CLYBL: variants seen among roughly 807,000 people sequenced by gnomAD.
CLYBL encodes citramalyl-CoA lyase, mitochondrial.
Under a neutral mutation model 38.9 loss-of-function variants are expected in CLYBL, and 31 were observed. The ratio of observed to expected loss-of-function variants is 0.80; its 90% CI spans 0.60 to 1.08. CLYBL has a LOEUF of 1.08. Among genes scored for constraint, CLYBL ranks in the 50% least tolerant of loss-of-function variants. The pLI is 0.00. For synonymous variants in CLYBL, 171 were observed against 158.6 expected, an observed-to-expected ratio of 1.08 and a Z score of -0.59; for missense variants, 434 against 411.6, an observed-to-expected ratio of 1.05 and a Z score of -0.47.
At chr13:99,872,317 C>G (rs1200113859) in intron 7 of CLYBL, among the ~76,000 whole-genome samples, 2 of 152,164 alleles carry the variant, frequency 1.3e-5, no homozygotes, top group African/African-American at 4.8e-5. Context: ...CTTTCCATTT[C>G]CCATCAACAG....
intron 1 of CLYBL, among the ~76,000 whole-genome samples, chr13:99,641,299 G>A (rs1594096989): frequency 6.6e-6 from 1 of 152,248 alleles, no homozygotes; most frequent in East Asian, 1.9e-4. Flanking sequence ...ATGAATCAAA[G>A]CTATTTAAGT....
intron 2 of CLYBL, among the ~76,000 whole-genome samples, chr13:99,808,212 A>G (rs1262573618): frequency 6.6e-6 from 1 of 152,154 alleles, no homozygotes; most frequent in Non-Finnish European, 1.5e-5. Flanking sequence ...CAGCCTCCTG[A>G]GTAGCTGGGA....
At chr13:99,882,735 C>CTTCCTA (rs1332331652) in intron 7 of CLYBL, among the ~76,000 whole-genome samples, 7 of 152,006 alleles carry the variant, frequency 4.6e-5, no homozygotes, top group Admixed American at 4.6e-4. Context: ...GGTAATGGGT[C>CTTCCTA]TTCCTAATAG....
rs183368719 is a variant in CLYBL, at chr13:99,849,166, T to C, written c.250-9695T>C. Among the ~76,000 whole-genome samples, 207 of 149,766 alleles carry C rather than the reference T, an allele frequency of 1.4e-3. No homozygotes were observed. The highest frequency in any genetic ancestry group is 4.7e-3 in the African/African-American group (189 of 40,518). The stretch of plus-strand genomic sequence containing the variant: ...AAAAGAAAAAAGAAAAAAAAAACAC[T>C]ATTGAGAAAGACAGTGTAAGCTTGT... On this transcript the variant is annotated intron_variant, in intron 2 of 8. Transcript: ENST00000339105. The surrounding 1 kb of genome is among the most constrained non-coding windows in gnomAD (Gnocchi z 4.9).
At chr13:99,779,009 ATGGTGGC>A (rs1329541264) in intron 2 of CLYBL, among the ~76,000 whole-genome samples, 1 of 152,226 alleles carries the variant, frequency 6.6e-6, no homozygotes, top group Admixed American at 6.5e-5. Context: ...GGAGACAAAA[ATGGTGGC>A]AGATCCCCAA....
chr13:99,789,341 A>C (rs1667770274), intron 2 of CLYBL, among the ~76,000 whole-genome samples: 1 of 152,204 alleles, frequency 6.6e-6, no homozygotes, highest in African/African-American at 2.4e-5. Context: ...ATTTAGTGCT[A>C]TAAATTTCCC....
intron 1 of CLYBL, among the ~76,000 whole-genome samples, chr13:99,697,966 G>T (rs1205236330): frequency 6.6e-6 from 1 of 151,978 alleles, no homozygotes; most frequent in Non-Finnish European, 1.5e-5. Flanking sequence ...GGCTTTTAAA[G>T]CACCAGGGCA....
At chr13:99,745,672 A>G (rs565283529) in intron 1 of CLYBL, among the ~76,000 whole-genome samples, 1 of 152,324 alleles carries the variant, frequency 6.6e-6, no homozygotes, top group Admixed American at 6.5e-5. Flanking sequence ...GGAAAAAACA[A>G]TCTTAATCTT....
intron 1 of CLYBL, among the ~76,000 whole-genome samples, chr13:99,616,143 C>CTTTTTTTTTTT (rs34142988): frequency 1.2e-5 from 1 of 83,842 alleles, no homozygotes. Context: ...CCACGCCTGG[C>CTTTTTTTTTTT]TTTTTTTTTT....
intron 2 of CLYBL, among the ~76,000 whole-genome samples, chr13:99,852,142 G>A (rs1287547718): frequency 6.6e-6 from 1 of 152,202 alleles, no homozygotes; most frequent in Non-Finnish European, 1.5e-5. Context: ...ATCTATAGAG[G>A]CAGAAGGTAG....
intron 2 of CLYBL, among the ~76,000 whole-genome samples, chr13:99,846,803 AGTG>A (rs1408460892): frequency 4.6e-5 from 7 of 152,168 alleles, no homozygotes; most frequent in African/African-American, 1.7e-4. Flanking sequence ...ACCTTAGAGA[AGTG>A]TTGTAGAAGC....
chr13:99,684,190 T>A (rs2047784216), intron 1 of CLYBL, among the ~76,000 whole-genome samples: 2 of 146,420 alleles, frequency 1.4e-5, no homozygotes, highest in Admixed American at 1.3e-4. Flanking sequence ...TGTTTGATTT[T>A]TTTTTTTTTT....
chr13:99,697,709 C>T (rs568760942), intron 1 of CLYBL, among the ~76,000 whole-genome samples: 20 of 147,504 alleles, frequency 1.4e-4, no homozygotes, highest in Non-Finnish European at 2.5e-4. Flanking sequence ...TGCAGTGGCT[C>T]GATCTTGGCT....
chr13:99,637,646 T>C (rs2047038044), intron 1 of CLYBL, among the ~76,000 whole-genome samples: 1 of 152,130 alleles, frequency 6.6e-6, no homozygotes, highest in Non-Finnish European at 1.5e-5. Context: ...TAATCCCAGC[T>C]ACTTGGGAGG....
At chr13:99,856,897 C>T (rs887737927) in intron 2 of CLYBL, among the ~76,000 whole-genome samples, 1 of 151,852 alleles carries the variant, frequency 6.6e-6, no homozygotes, top group Non-Finnish European at 1.5e-5. Flanking sequence ...CTCAGCCTCT[C>T]AAAGGGCTGG....
chr13:99,754,593 T>G (rs542568544), intron 1 of CLYBL, among the ~76,000 whole-genome samples: 120 of 151,334 alleles, frequency 7.9e-4, no homozygotes, highest in Admixed American at 2.6e-3. Context: ...TGTTGTTGTT[T>G]TTTTTTTTGG....
In CLYBL at chr13:99,858,331, G is replaced by C. The variant is rs150415004; in HGVS notation, c.250-530G>C. Among the ~76,000 whole-genome samples, 372 of 152,270 alleles carry C rather than the reference G, an allele frequency of 2.4e-3. 1 individual carries two copies. The highest frequency in any genetic ancestry group is 8.6e-3 in the African/African-American group (357 of 41,554). ...GAGCATCTTCTTAATTGAATGTCAA[G>C]ATTCAACTCAGTTGCAAAAAAATAG... On this transcript the variant is annotated intron_variant, in intron 2 of 8. Coordinates refer to ENST00000339105, the MANE Select transcript of CLYBL (RefSeq NM_206808.5).
intron 1 of CLYBL, among the ~76,000 whole-genome samples, chr13:99,673,288 C>T (rs906230860): frequency 2.0e-5 from 3 of 152,198 alleles, no homozygotes; most frequent in African/African-American, 7.2e-5. Flanking sequence ...TGGCGCACAC[C>T]TGTAATCCCA....
chr13:99,672,515 G>A (rs767980390), intron 1 of CLYBL, among the ~76,000 whole-genome samples: 4 of 151,838 alleles, frequency 2.6e-5, no homozygotes, highest in East Asian at 1.9e-4. Flanking sequence ...GGCTCACACC[G>A]ATAATTCCAG....
Sources: allele counts gnomAD v4.1 joint callset (sites outside exome capture counted in the v4.1 genomes callset), GRCh38; gene constraint gnomAD v4.1.1; non-coding constraint Gnocchi (gnomAD v3.1); transcripts MANE v1.5; gene names NCBI Gene and HGNC (gene_info 2026-07-23, HGNC 2026-07-21).